FRMPD4: variants seen among roughly 807,000 people sequenced by gnomAD.
FRMPD4 encodes the protein FERM and PDZ domain containing 4, also known as FERM and PDZ domain-containing protein 4.
Under a neutral mutation model 94.1 loss-of-function variants are expected in FRMPD4, and 22 were observed. The observed-to-expected ratio is 0.23, with a 90% CI of 0.17 to 0.33. FRMPD4 has a LOEUF of 0.33. Among genes scored for constraint, FRMPD4 ranks in the 10% least tolerant of loss-of-function variants. The probability of loss-of-function intolerance (pLI) is 1.00; values close to 1 mark genes in which losing one functional copy is unlikely to be tolerated. For missense variants in FRMPD4, 1,111 were observed against 1,339.9 expected, an observed-to-expected ratio of 0.83 and a Z score of 2.67; for synonymous variants, 631 against 548.6, an observed-to-expected ratio of 1.15 and a Z score of -2.10.
intron 3 of FRMPD4, among the ~76,000 whole-genome samples, chrX:11,944,553 C>T (rs1159890106): frequency 9.0e-6 from 1 of 111,580 alleles, no homozygotes; most frequent in East Asian, 2.8e-4. Context: ...GTGCAGTCAG[C>T]GTAGGAGACT....
chrX:12,371,931 A>G (rs1226796092), intron 1 of FRMPD4, among the ~76,000 whole-genome samples: 1 of 112,433 alleles, frequency 8.9e-6, no homozygotes, highest in Non-Finnish European at 1.9e-5. Context: ...TATTCTAAAA[A>G]TTATTATCCC....
intron 2 of FRMPD4, among the ~76,000 whole-genome samples, chrX:12,531,775 T>C (rs748602864): frequency 1.8e-5 from 2 of 111,346 alleles, no homozygotes; most frequent in Admixed American, 9.6e-5. Flanking sequence ...CCTTCTCTAA[T>C]GCCTCCATTT....
intron 1 of FRMPD4, among the ~76,000 whole-genome samples, chrX:12,316,293 C>T (rs1450735295): frequency 9.1e-6 from 1 of 110,113 alleles, no homozygotes; most frequent in Non-Finnish European, 1.9e-5. Context: ...ATTACAGGTG[C>T]ATGCCACCAC....
intron 1 of FRMPD4, among the ~76,000 whole-genome samples, chrX:12,295,620 G>T (rs142106017): frequency 0.015 from 1,703 of 111,907 alleles, 42 homozygotes; most frequent in African/African-American, 0.052. Context: ...CACATTGGAT[G>T]ACTAACTCCT....
At chrX:11,831,933 ATTATGAC>A (rs2053477152) in intron 1 of FRMPD4, among the ~76,000 whole-genome samples, 1 of 112,212 alleles carries the variant, frequency 8.9e-6, no homozygotes, top group East Asian at 2.8e-4. Context: ...TCTTGGGAAA[ATTATGAC>A]TTATGAGTGT....
intron 1 of FRMPD4, among the ~76,000 whole-genome samples, chrX:11,826,297 A>G (rs1258160628): frequency 1.8e-5 from 2 of 111,923 alleles, no homozygotes; most frequent in Admixed American, 1.9e-4. Flanking sequence ...CTATTTCAGC[A>G]GACTTTGGGG....
chrX:12,228,118 TC>T (rs758292713), intron 1 of FRMPD4, among the ~76,000 whole-genome samples: 1 of 112,484 alleles, frequency 8.9e-6, no homozygotes, highest in South Asian at 3.7e-4. Context: ...TTCCAGATAC[TC>T]TACCAAAGAG....
At position 12,416,986 on chromosome X, in the gene FRMPD4, CAATTT is replaced by C. The variant is rs1164919282; in HGVS notation, c.42-81687_42-81683del. Among the ~76,000 whole-genome samples the C allele has an allele frequency of 5.0e-3, 560 of 111,588 alleles. 2 individuals carry two copies. The highest frequency in any genetic ancestry group is 0.018 in the African/African-American group (545 of 30,785). Reference sequence around the variant, plus strand: ...CTATTCCTACTTAATTGAAAAAATTCAATTTAATTTATAGATAAGGATAATACCTT... The same window carrying C: ...CTATTCCTACTTAATTGAAAAAATTCAATTTATAGATAAGGATAATACCTT... On this transcript the variant is annotated intron_variant, in intron 1 of 16. Transcript: ENST00000675598.
intron 1 of FRMPD4, among the ~76,000 whole-genome samples, chrX:12,370,669 A>C (rs928017963): frequency 4.4e-5 from 5 of 112,698 alleles, no homozygotes; most frequent in Non-Finnish European, 9.4e-5. Context: ...TTCCAAAGAT[A>C]AAAGTATTAC....
chrX:11,843,016 G>T (rs1247168781), intron 1 of FRMPD4, among the ~76,000 whole-genome samples: 2 of 111,996 alleles, frequency 1.8e-5, no homozygotes, highest in Non-Finnish European at 1.9e-5. Context: ...TGAATAGGTG[G>T]TAGATTTTGC....
rs2042231233 is a variant in FRMPD4, at chrX:12,721,124, G to A, written c.4555G>A (p.Glu1519Lys). The A allele has an allele frequency of 1.3e-6, 1 of 757,221 alleles. No homozygotes were observed. The highest frequency in any genetic ancestry group is 6.7e-5 in the South Asian group (1 of 14,893). 62.4% of individuals were successfully genotyped at this position (757,221 alleles called of 1,213,427 possible). Residue 1519 changes from glutamate (E) to lysine (K), a missense_variant, in exon 17 of 17, where the codon GAG (glutamate) becomes AAG (lysine). By Grantham distance (56) the Glu-to-Lys change is moderately conservative. Transcript: ENST00000675598. ...RGQDEDGEEEEERGEATVQVS... is the reference protein window; with the variant it reads ...RGQDEDGEEEKERGEATVQVS... The stretch of plus-strand genomic sequence containing the variant: ...GCAGGATGAAGATGGTGAGGAAGAA[G>A]AGGAGAGGGGAGAGGCCACCGTCCA...
intron 3 of FRMPD4, among the ~76,000 whole-genome samples, chrX:11,963,296 G>C (rs5933939): frequency 0.012 from 1,341 of 112,375 alleles, 4 homozygotes; most frequent in Non-Finnish European, 0.016. Context: ...TCCAACCGAT[G>C]TCTGCTGCTA....
intron 1 of FRMPD4, among the ~76,000 whole-genome samples, chrX:11,830,158 T>C (rs755544904): frequency 1.8e-5 from 2 of 111,785 alleles, no homozygotes; most frequent in Non-Finnish European, 3.8e-5. Flanking sequence ...TCTGGAGATA[T>C]AACTATAATA....
chrX:11,848,184 G>A (rs949281766), intron 1 of FRMPD4, among the ~76,000 whole-genome samples: 5 of 110,761 alleles, frequency 4.5e-5, no homozygotes, highest in African/African-American at 1.6e-4. Context: ...TCCCTAGAGA[G>A]TTTCTGTGTT....
At chrX:12,375,733 GCCTAAGTTGT>G (rs1452809736) in intron 1 of FRMPD4, among the ~76,000 whole-genome samples, 6 of 111,997 alleles carry the variant, frequency 5.4e-5, no homozygotes, top group African/African-American at 1.9e-4. Flanking sequence ...GTCATCGGGG[GCCTAAGTTGT>G]CCCCACCACA....
At chrX:12,515,148 C>A (rs962079521) in intron 2 of FRMPD4, among the ~76,000 whole-genome samples, 1 of 111,590 alleles carries the variant, frequency 9.0e-6, no homozygotes, top group Admixed American at 9.5e-5. Flanking sequence ...TTTCAAAAAA[C>A]CAGCTCCTGG....
chrX:12,106,608 G>A (rs1264127214), intron 3 of FRMPD4, among the ~76,000 whole-genome samples: 3 of 111,633 alleles, frequency 2.7e-5, no homozygotes, highest in Admixed American at 9.5e-5. Context: ...ATGAGGCATC[G>A]CCTCACCCGG....
At chrX:12,519,861 C>T (rs1384914056) in intron 2 of FRMPD4, among the ~76,000 whole-genome samples, 4 of 111,635 alleles carry the variant, frequency 3.6e-5, no homozygotes, top group Admixed American at 9.5e-5. Context: ...ATACCACATA[C>T]GTTAGGATAG....
chrX:11,862,406 C>G (rs1414222084), intron 1 of FRMPD4, among the ~76,000 whole-genome samples: 1 of 111,290 alleles, frequency 9.0e-6, no homozygotes, highest in Non-Finnish European at 1.9e-5. Flanking sequence ...AAAGTTTACA[C>G]ATGGATTAGG....
Sources: gnomAD v4.1 joint callset for allele counts (sites outside exome capture counted in the v4.1 genomes callset) on GRCh38, gnomAD v4.1.1 for gene constraint, MANE v1.5 for transcripts, NCBI Gene and HGNC (gene_info 2026-07-23, HGNC 2026-07-21) for gene names.